The following PCDHGB2 variants were observed in gnomAD, a reference collection of about 807,000 sequenced individuals.
PCDHGB2 encodes protocadherin gamma-B2.
In PCDHGB2, 55 loss-of-function variants were observed where a neutral mutation model predicts 59.3. The ratio of observed to expected loss-of-function variants is 0.93; its 90% CI spans 0.75 to 1.16. The LOEUF is 1.16. Among genes scored for constraint, PCDHGB2 ranks in the 50% most tolerant of loss-of-function variants. PCDHGB2 has a pLI of 0.00. For missense variants in PCDHGB2, 1,228 were observed against 1,198.5 expected (o/e 1.02, Z -0.36); for synonymous variants, 516 against 512.0 (o/e 1.01, Z -0.11).
chr5:141,412,559 G>C (rs1408913988), intron 1 of PCDHGB2: 2 of 152,100 alleles, frequency 1.3e-5, no homozygotes, highest in African/African-American at 4.8e-5. Context: ...TATCTCATGA[G>C]TTTATTTAAT....
Position 141,422,132 on chromosome 5 carries a change from T to C in PCDHGB2, c.2421+59576T>C, listed in dbSNP as rs768931697. ...CAATTGGATTCACAAACTGGAGAAG[T>C]TCAAGTACGGGGGTCTCTGGATTTT... On this transcript the variant is annotated intron_variant, in intron 1 of 3. Coordinates refer to ENST00000522605, the MANE Select transcript of PCDHGB2 (RefSeq NM_018923.3). The C allele has an allele frequency of 1.2e-5, 19 of 1,598,396 alleles. No individual in the cohort carries two copies. In the South Asian group the frequency reaches 2.0e-4, roughly 17 times the overall value.
At chr5:141,400,392 A>C (rs2094014497) in intron 1 of PCDHGB2, 1 of 1,613,942 alleles carries the variant, frequency 6.2e-7, no homozygotes, top group Admixed American at 1.7e-5. Context: ...TTGCACATAC[A>C]GGAAAGACGG....
In PCDHGB2 at chr5:141,486,748, T is replaced by C; in HGVS notation, c.2422-8059T>C. ...TTCATGCTACTCGATCCTTTGACTA[T>C]GAGCAAACCCAGACACTGCAGTTTG... is the stretch of plus-strand genomic sequence containing the variant. On this transcript the variant is annotated intron_variant, in intron 1 of 3. Coordinates refer to ENST00000522605, the MANE Select transcript of PCDHGB2 (RefSeq NM_018923.3). The surrounding 1 kb of genome is among the most constrained non-coding windows in gnomAD (Gnocchi z 5.0). 6.2e-7 allele frequency: 1 copy of C among 1,614,230 alleles called. No individual in the cohort carries two copies. The highest frequency in any genetic ancestry group is 8.5e-7 in the Non-Finnish European group (1 of 1,180,042).
chr5:141,415,080 C>T (rs1426953509), intron 1 of PCDHGB2: 1 of 1,613,526 alleles, frequency 6.2e-7, no homozygotes, highest in African/African-American at 1.3e-5. Context: ...CGGCGCGAGC[C>T]CTGCTGGACA....
chr5:141,385,171 T>C, intron 1 of PCDHGB2: 1 of 1,614,170 alleles, frequency 6.2e-7, no homozygotes, highest in South Asian at 1.1e-5. Context: ...CCATGAGGTC[T>C]CCCTCACCGC....
intron 1 of PCDHGB2, chr5:141,400,421 G>A (rs1158396440): frequency 1.2e-6 from 2 of 1,613,948 alleles, no homozygotes. Flanking sequence ...TTCCTAAAAT[G>A]TAGTGAGCAA....
chr5:141,455,587 T>C (rs1383947901), intron 1 of PCDHGB2, among the ~76,000 whole-genome samples: 1 of 152,162 alleles, frequency 6.6e-6, no homozygotes, highest in African/African-American at 2.4e-5. Flanking sequence ...CCTTTTAATA[T>C]GCAAACGTAG....
intron 1 of PCDHGB2, among the ~76,000 whole-genome samples, chr5:141,456,843 A>G (rs2098891742): frequency 6.6e-6 from 1 of 152,030 alleles, no homozygotes. Context: ...GGCGCCTGTA[A>G]TCCCAGCTAA....
In PCDHGB2 at chr5:141,490,963, G is replaced by GC; in HGVS notation, c.2422-3838dup. 6.2e-7 allele frequency: 1 copy of GC among 1,613,760 alleles called. No individual in the cohort carries two copies. On this transcript the variant is annotated intron_variant, in intron 1 of 3. Transcript: ENST00000522605. This position sits in a 1 kb window ranked among gnomAD's most constrained non-coding sequence, Gnocchi z 5.4. ...CCCACGGCCAGACTGGGAACACTCA[G>GC]CCCCCCAGCGTCTCCCTCGCTCTGC...
chr5:141,512,917 T>C lies in PCDHGB2; in HGVS notation c.*1744T>C, dbSNP rs543880225. On this transcript the variant is annotated 3_prime_UTR_variant, in exon 4 of 4. Transcript: ENST00000522605. ...TGTGTCTCACGCAAGTTTTATACTCTAATATTTATATGGCTTTTTTTCTTC... is the reference window on the plus strand; with the variant it reads ...TGTGTCTCACGCAAGTTTTATACTCCAATATTTATATGGCTTTTTTTCTTC... The C allele has an allele frequency of 1.3e-5, 2 of 152,378 alleles. No individual in the cohort carries two copies. Among genetic ancestry groups the C allele is most frequent in the African/African-American group, 2.4e-5 (1 of 41,588 alleles). The allele number at this position is 152,378 out of a possible 1,614,324, so 9.4% of individuals were successfully genotyped here.
intron 1 of PCDHGB2, chr5:141,370,753 C>G: frequency 6.2e-7 from 1 of 1,613,950 alleles, no homozygotes; most frequent in Non-Finnish European, 8.5e-7. Flanking sequence ...TTTCATGTAA[C>G]TGTGCTGATC....
intron 3 of PCDHGB2, among the ~76,000 whole-genome samples, chr5:141,510,266 C>T (rs1202092142): frequency 7.0e-6 from 1 of 143,198 alleles, no homozygotes; most frequent in Non-Finnish European, 1.5e-5. Flanking sequence ...GAGCAGGACT[C>T]CATCTTAAAA....
intron 1 of PCDHGB2, among the ~76,000 whole-genome samples, chr5:141,460,737 G>GTA (rs1393989215): frequency 2.0e-5 from 3 of 150,700 alleles, no homozygotes; most frequent in East Asian, 1.9e-4. Context: ...TATACACATT[G>GTA]TATATATATG....
intron 1 of PCDHGB2, chr5:141,394,148 T>C (rs2092927771): frequency 6.2e-7 from 1 of 1,613,768 alleles, no homozygotes; most frequent in African/African-American, 1.3e-5. Context: ...TGGCAGACAT[T>C]AACGACAACC....
chr5:141,360,538 C>T lies in PCDHGB2; in HGVS notation c.403C>T (p.Gln135Ter). The T allele has an allele frequency of 1.9e-6, 3 of 1,613,954 alleles. No homozygotes were observed. The highest frequency in any genetic ancestry group is 2.5e-6 in the Non-Finnish European group (3 of 1,179,888). ...DINDNTPLFK[Q>*]TKINLKIGES... ...AAATGATAATACCCCGCTATTCAAA[C>T]AGACTAAGATTAATTTAAAAATTGG... Residue 135 changes from glutamine (Q) to a stop codon, truncating the protein, a stop_gained, in exon 1 of 4, where the codon CAG becomes TAG. Coordinates refer to ENST00000522605, the MANE Select transcript of PCDHGB2 (RefSeq NM_018923.3). LOFTEE classifies it high-confidence loss of function.
At chr5:141,443,166 C>G (rs914863821) in intron 1 of PCDHGB2, among the ~76,000 whole-genome samples, 1 of 152,124 alleles carries the variant, frequency 6.6e-6, no homozygotes, top group African/African-American at 2.4e-5. Flanking sequence ...ATTTCCCTAC[C>G]CATGTCCACT....
rs1562142740 is a variant in PCDHGB2, at chr5:141,490,958, ACT to A, written c.2422-3847_2422-3846del. 1 of 1,613,728 alleles carries A rather than the reference ACT, an allele frequency of 6.2e-7. No homozygotes were observed. Among genetic ancestry groups the A allele is most frequent in the Non-Finnish European group, 8.5e-7 (1 of 1,179,830 alleles). On this transcript the variant is annotated intron_variant, in intron 1 of 3. Transcript: ENST00000522605. The surrounding 1 kb of genome is among the most constrained non-coding windows in gnomAD (Gnocchi z 5.4). Reference sequence around the variant, plus strand: ...CTGCACCCACGGCCAGACTGGGAACACTCAGCCCCCCAGCGTCTCCCTCGCTC... The same window carrying A: ...CTGCACCCACGGCCAGACTGGGAACACAGCCCCCCAGCGTCTCCCTCGCTC...
At chr5:141,385,170 C>T (rs1561606866) in intron 1 of PCDHGB2, 2 of 1,614,212 alleles carry the variant, frequency 1.2e-6, no homozygotes, top group Non-Finnish European at 1.7e-6. Flanking sequence ...CCCATGAGGT[C>T]TCCCTCACCG....
intron 1 of PCDHGB2, chr5:141,420,309 A>G (rs1263620304): frequency 2.7e-6 from 4 of 1,460,536 alleles, no homozygotes; most frequent in Non-Finnish European, 3.7e-6. Context: ...TCCTTTTTAT[A>G]TTACAATATG....
Sources: allele counts gnomAD v4.1 joint callset (sites outside exome capture counted in the v4.1 genomes callset), GRCh38; gene constraint gnomAD v4.1.1; non-coding constraint Gnocchi (gnomAD v3.1); transcripts MANE v1.5; gene names NCBI Gene and HGNC (gene_info 2026-07-23, HGNC 2026-07-21).